Variants in KDM1A observed in about 807,000 individuals in gnomAD.
KDM1A encodes lysine-specific histone demethylase 1A.
In KDM1A, 49 loss-of-function variants were observed where a neutral mutation model predicts 109.4. The observed-to-expected ratio is 0.45, with a 90% CI of 0.36 to 0.57. The LOEUF (loss-of-function observed/expected upper bound fraction) is 0.57, where lower values mean the gene tolerates loss of function less well. Among genes scored for constraint, KDM1A ranks in the 20% least tolerant of loss-of-function variants. The pLI is 0.00. For synonymous variants in KDM1A, 380 were observed against 415.4 expected (o/e 0.91, Z 1.04); for missense variants, 668 against 1,116.6 (o/e 0.60, Z 5.73).
intron 20 of KDM1A, 64 bp downstream of exon 20, chr1:23,082,430 A>ATTTTT: frequency 2.8e-6 from 3 of 1,083,134 alleles, no homozygotes; most frequent in South Asian, 2.6e-5. Context: ...GATGTCCCTG[A>ATTTTT]TTTTTTTTTT....
intron 9 of KDM1A, among the ~76,000 whole-genome samples, chr1:23,061,462 A>T (rs139675532): frequency 6.4e-4 from 98 of 152,268 alleles, no homozygotes; most frequent in African/African-American, 2.2e-3. Context: ...TTCTAAGTTG[A>T]TACATTTGTA....
At chr1:23,077,482 T>G (rs1643500428) in intron 16 of KDM1A, 122 bp downstream of exon 16, 1 of 1,045,986 alleles carries the variant, frequency 9.6e-7, no homozygotes, top group Non-Finnish European at 1.3e-6. Flanking sequence ...AGGTAAAAAT[T>G]GGCATTTATA....
At chr1:23,040,316 C>G (rs1642269639) in intron 2 of KDM1A, among the ~76,000 whole-genome samples, 1 of 152,094 alleles carries the variant, frequency 6.6e-6, no homozygotes, top group South Asian at 2.1e-4. Context: ...AGAGTGATCT[C>G]TTGAGTATTT....
intron 15 of KDM1A, 67 bp from the exon 16 acceptor site, chr1:23,077,161 C>A: frequency 1.4e-6 from 2 of 1,462,590 alleles, no homozygotes; most frequent in Non-Finnish European, 1.9e-6. Flanking sequence ...TGTTGTTGTA[C>A]AGAACTAGGT....
chr1:23,059,716 GCA>G (rs1642945479), intron 9 of KDM1A, among the ~76,000 whole-genome samples: 1 of 152,168 alleles, frequency 6.6e-6, no homozygotes. Context: ...ATGGGGAATT[GCA>G]CAGTTTAATG....
At chr1:23,074,953 G>A (rs1643420068) in intron 15 of KDM1A, among the ~76,000 whole-genome samples, 1 of 152,084 alleles carries the variant, frequency 6.6e-6, no homozygotes, top group African/African-American at 2.4e-5. Flanking sequence ...TTTTGAAATT[G>A]TTTTGGCTAT....
intron 19 of KDM1A, chr1:23,081,861 C>T: frequency 2.3e-6 from 1 of 439,708 alleles, no homozygotes; most frequent in South Asian, 4.0e-5. Context: ...GTGAGTATCT[C>T]CGGGAAGTTT....
intron 2 of KDM1A, among the ~76,000 whole-genome samples, chr1:23,034,287 A>T (rs950658240): frequency 6.6e-6 from 1 of 152,142 alleles, no homozygotes; most frequent in East Asian, 1.9e-4. Flanking sequence ...TTGGTTTCCT[A>T]GTACCTTTTC....
At position 23,068,676 on chromosome 1, in the gene KDM1A, C is replaced by T; in HGVS notation, c.1317C>T (p.Val439=). The change falls in exon 11 of 21, where the codon GTC becomes GTT. Residue 439 remains valine, a synonymous_variant. Coordinates refer to ENST00000400181, the MANE Select transcript of KDM1A (RefSeq NM_001009999.3). ...CCCTTGGCCAGGCATTGGAAGTTGT[C>T]ATTCAGTAAGTACTTTGATACTGCT... is the stretch of plus-strand genomic sequence containing the variant. The part of the protein sequence containing the change: ...PVSLGQALEV[V]IQLQEKHVKD... 1 of 1,554,970 alleles carries T rather than the reference C, an allele frequency of 6.4e-7. No homozygotes were observed. Among genetic ancestry groups the T allele is most frequent in the South Asian group, 1.3e-5 (1 of 79,110 alleles).
rs144936438 is a variant in KDM1A, at chr1:23,026,926, T to C, written c.352-3543T>C. The stretch of plus-strand genomic sequence containing the variant: ...GGGTTTTTACTTAGGGATGAGAGAG[T>C]CCCAATCCTTTAGGTTCAAAGTACA... On this transcript the variant is annotated intron_variant, in intron 1 of 20. Transcript: ENST00000400181. Among the ~76,000 whole-genome samples the C allele has an allele frequency of 8.0e-4, 122 of 152,208 alleles. 1 individual carries two copies. In the East Asian group the frequency reaches 0.021, roughly 26 times the overall value.
intron 2 of KDM1A, among the ~76,000 whole-genome samples, chr1:23,032,321 C>A (rs1421708666): frequency 3.3e-5 from 5 of 150,678 alleles, no homozygotes; most frequent in Admixed American, 1.3e-4. Context: ...AAATTTTAAA[C>A]CATGTGTTGG....
chr1:23,082,116 T>C lies in KDM1A; in HGVS notation c.2299-104T>C, dbSNP rs1643637041. The C allele has an allele frequency of 2.4e-6, 3 of 1,260,646 alleles. No individual in the cohort carries two copies. The Admixed American group carries it at 6.5e-5, about 27-fold the overall frequency. The allele number at this position is 1,260,646 out of a possible 1,614,324, so 78.1% of individuals were successfully genotyped here. On this transcript the variant is annotated intron_variant, in intron 19 of 20. Coordinates refer to ENST00000400181, the MANE Select transcript of KDM1A (RefSeq NM_001009999.3). ...CACTGGCTCTCACATGTTGCCCCTC[T>C]TTCTCTTCACTTGCATCTCCACCCA...
At chr1:23,025,991 T>TGAGGCAGGGGAATCACTTGAGCCTGG (rs1553124862) in intron 1 of KDM1A, among the ~76,000 whole-genome samples, 2 of 152,136 alleles carry the variant, frequency 1.3e-5, no homozygotes, top group Admixed American at 1.3e-4. Context: ...CTCAGGAGGC[T>TGAGGCAGGGGAATCACTTGAGCCTGG]GAGGCAGGGG....
chr1:23,036,444 G>GCCCCCCCCCCCCCCCCCCCCCCCCCCAC (rs5773033), intron 2 of KDM1A, among the ~76,000 whole-genome samples: 1 of 121,598 alleles, frequency 8.2e-6, no homozygotes, highest in Non-Finnish European at 1.7e-5. Flanking sequence ...TTCTTGCCAC[G>GCCCCCCCCCCCCCCCCCCCCCCCCCCAC]CCCCCCCCCT....
intron 9 of KDM1A, among the ~76,000 whole-genome samples, chr1:23,061,048 T>A (rs1642985404): frequency 6.6e-6 from 1 of 152,202 alleles, no homozygotes; most frequent in Non-Finnish European, 1.5e-5. Flanking sequence ...AAGAGAGAAC[T>A]TTTTTCTAGT....
In KDM1A at chr1:23,082,365, A is replaced by C; in HGVS notation, c.2444A>C (p.Gln815Pro). ...TPGPSIPGAP[Q>P]PIPRLFFAGE... ...GGCCCCTCGATTCCAGGTGCCCCACAGGTGAGAAGCTGGCAAACTATCTGG... is the reference window on the plus strand; with the variant it reads ...GGCCCCTCGATTCCAGGTGCCCCACCGGTGAGAAGCTGGCAAACTATCTGG... The change falls in exon 20 of 21, where the codon CAG (glutamine) becomes CCG (proline). Residue 815 changes from glutamine to proline, a missense_variant and splice_region_variant. Physicochemically the swap from Gln to Pro is moderately conservative, Grantham distance 76. Coordinates refer to ENST00000400181, the MANE Select transcript of KDM1A (RefSeq NM_001009999.3). The C allele has an allele frequency of 6.2e-7, 1 of 1,611,138 alleles. No individual in the cohort carries two copies. Among genetic ancestry groups the C allele is most frequent in the Non-Finnish European group, 8.5e-7 (1 of 1,178,678 alleles).
rs559787445 is a variant in KDM1A at position 23,062,264 on chromosome 1, C to CT, written c.1167+3098dup. On this transcript the variant is annotated intron_variant, in intron 9 of 20. Transcript: ENST00000400181. ...GGTTAGTGTATGCACCTCTTTCTAA[C>CT]TGCCTGTGTGACGACATCAGCTGAG... Among the ~76,000 whole-genome samples the CT allele has an allele frequency of 3.2e-3, 483 of 152,314 alleles. 2 individuals are homozygous for CT. Among genetic ancestry groups the CT allele is most frequent in the African/African-American group, 0.011 (466 of 41,570 alleles).
At chr1:23,058,974 T>C in intron 8 of KDM1A, 99 bp from the exon 9 acceptor site, 1 of 681,974 alleles carries the variant, frequency 1.5e-6, no homozygotes, top group Non-Finnish European at 2.3e-6. Flanking sequence ...CTGTAAGCTT[T>C]TGAGCTTTTT....
At chr1:23,059,409 A>G (rs1336355806) in intron 9 of KDM1A, 7 of 548,226 alleles carry the variant, frequency 1.3e-5, no homozygotes, top group Middle Eastern at 2.8e-4. Flanking sequence ...TAGATATTTA[A>G]TGAAGGCTAG....
Sources: allele counts gnomAD v4.1 joint callset (sites outside exome capture counted in the v4.1 genomes callset), GRCh38; gene constraint gnomAD v4.1.1; transcripts MANE v1.5; gene names NCBI Gene and HGNC (gene_info 2026-07-23, HGNC 2026-07-21).